The following GNAO1 variants were observed in gnomAD, a reference collection of about 807,000 sequenced individuals.
GNAO1 encodes the protein G protein subunit alpha o1, also known as guanine nucleotide-binding protein G(o) subunit alpha.
For synonymous variants in GNAO1, 164 were observed against 180.7 expected (o/e 0.91, Z 0.74); for missense variants, 166 against 478.7 (o/e 0.35, Z 6.10).
intron 3 of GNAO1, among the ~76,000 whole-genome samples, chr16:56,324,506 C>T (rs137977547): frequency 2.0e-5 from 3 of 152,334 alleles, no homozygotes; most frequent in South Asian, 2.1e-4. Flanking sequence ...CAAGATTGCC[C>T]GAGGTCAGCC....
chr16:56,204,757 G>T (rs1196367618), intron 2 of GNAO1, among the ~76,000 whole-genome samples: 1 of 152,160 alleles, frequency 6.6e-6, no homozygotes, highest in Non-Finnish European at 1.5e-5. Flanking sequence ...AATTTTTATG[G>T]TAGAAATAGG....
At chr16:56,319,011 G>C (rs1192868596) in intron 3 of GNAO1, among the ~76,000 whole-genome samples, 11 of 152,174 alleles carry the variant, frequency 7.2e-5, no homozygotes, top group African/African-American at 2.7e-4. Flanking sequence ...GTCACACAAT[G>C]AAAATCCCTG....
chr16:56,306,720 G>C (rs1484333573), intron 3 of GNAO1: 1 of 152,260 alleles, frequency 6.6e-6, no homozygotes, highest in African/African-American at 2.4e-5. Flanking sequence ...TTTAAAAGGG[G>C]GGACGGGGGG....
chr16:56,306,354 T>G (rs1319715393), intron 3 of GNAO1, among the ~76,000 whole-genome samples: 1 of 152,144 alleles, frequency 6.6e-6, no homozygotes, highest in Non-Finnish European at 1.5e-5. Flanking sequence ...GGCAGGGAAG[T>G]GAGTTGACTG....
At chr16:56,355,129 C>CAT in intron 8 of GNAO1, 48 bp downstream of exon 8, 1 of 415,082 alleles carries the variant, frequency 2.4e-6, no homozygotes. Flanking sequence ...CGCGCATACA[C>CAT]ACACACACAC....
chr16:56,206,062 T>C (rs2036324785), intron 2 of GNAO1, among the ~76,000 whole-genome samples: 1 of 152,086 alleles, frequency 6.6e-6, no homozygotes, highest in Non-Finnish European at 1.5e-5. Context: ...GCCTCACACC[T>C]GTAATCCCAG....
At chr16:56,216,216 T>C (rs1466065009) in intron 2 of GNAO1, among the ~76,000 whole-genome samples, 2 of 152,226 alleles carry the variant, frequency 1.3e-5, no homozygotes, top group Non-Finnish European at 2.9e-5. Context: ...ACATTTAAGA[T>C]GTGTATGTTT....
At chr16:56,340,843 C>T in intron 6 of GNAO1, 1 of 1,613,820 alleles carries the variant, frequency 6.2e-7, no homozygotes. Flanking sequence ...GAACCGCATG[C>T]ACGAATCCCT....
At chr16:56,257,364 C>A (rs1366092045) in intron 2 of GNAO1, among the ~76,000 whole-genome samples, 1 of 152,212 alleles carries the variant, frequency 6.6e-6, no homozygotes, top group African/African-American at 2.4e-5. Flanking sequence ...GGCTGAATGT[C>A]TTTGCATCGG....
chr16:56,350,407 G>A (rs1040223285), intron 6 of GNAO1, among the ~76,000 whole-genome samples: 3 of 152,170 alleles, frequency 2.0e-5, no homozygotes, highest in Admixed American at 6.5e-5. Flanking sequence ...AAATGGATTC[G>A]TTCACAGAGA....
At chr16:56,301,190 G>C (rs1452140312) in intron 3 of GNAO1, 3 of 152,368 alleles carry the variant, frequency 2.0e-5, no homozygotes, top group African/African-American at 7.2e-5. Flanking sequence ...ATGGCAGTCA[G>C]GTAAACAGAG....
intron 3 of GNAO1, among the ~76,000 whole-genome samples, chr16:56,316,583 A>C (rs1194114333): frequency 2.0e-5 from 3 of 151,678 alleles, no homozygotes; most frequent in Non-Finnish European, 4.4e-5. Context: ...GTCTCGCCTC[A>C]CCTCTCTTTA....
At chr16:56,297,522 G>GGGGT (rs2037298734) in intron 3 of GNAO1, among the ~76,000 whole-genome samples, 1 of 134,330 alleles carries the variant, frequency 7.4e-6, no homozygotes, top group East Asian at 2.2e-4. Context: ...TTGTCTAACT[G>GGGGT]GTGTGTGTGT....
At chr16:56,262,992 AG>A (rs1192413663) in intron 2 of GNAO1, among the ~76,000 whole-genome samples, 1 of 152,224 alleles carries the variant, frequency 6.6e-6, no homozygotes, top group Non-Finnish European at 1.5e-5. Flanking sequence ...AAGCCTACAG[AG>A]GACAGCATAA....
chr16:56,216,231 A>G (rs1268485532), intron 2 of GNAO1, among the ~76,000 whole-genome samples: 2 of 152,222 alleles, frequency 1.3e-5, no homozygotes, highest in Non-Finnish European at 2.9e-5. Flanking sequence ...ATGTTTTACT[A>G]TAGGTAAATA....
At position 56,240,578 on chromosome 16, in the gene GNAO1, T is replaced by C. The variant is rs148637230; in HGVS notation, c.162-35353T>C. On this transcript the variant is annotated intron_variant, in intron 2 of 8. Coordinates refer to ENST00000262493, the MANE Select transcript of GNAO1 (RefSeq NM_020988.3). ...CATTTCTTCTCTTGTCTTGAACTTTTATCTGAGCCTCATATCAGAATCGAA... is the reference window on the plus strand; with the variant it reads ...CATTTCTTCTCTTGTCTTGAACTTTCATCTGAGCCTCATATCAGAATCGAA... Among the ~76,000 whole-genome samples the C allele has an allele frequency of 1.8e-3, 275 of 152,322 alleles. 1 individual carries two copies. The highest frequency in any genetic ancestry group is 6.2e-3 in the African/African-American group (257 of 41,566).
intron 6 of GNAO1, among the ~76,000 whole-genome samples, chr16:56,342,079 C>T (rs2037810835): frequency 6.6e-6 from 1 of 152,220 alleles, no homozygotes. Flanking sequence ...TAGGGCTCAG[C>T]CTCCCTGGAA....
chr16:56,343,077 G>A (rs1242630058), intron 6 of GNAO1, among the ~76,000 whole-genome samples: 2 of 148,678 alleles, frequency 1.3e-5, no homozygotes, highest in African/African-American at 5.0e-5. Flanking sequence ...CAGCCTGGGC[G>A]ACAGAACAAG....
In GNAO1 at chr16:56,351,794, G is replaced by A; in HGVS notation, c.877+257G>A. On this transcript the variant is annotated intron_variant, in intron 7 of 8. Transcript: ENST00000262493. The surrounding 1 kb of genome is among the most constrained non-coding windows in gnomAD (Gnocchi z 6.1). ...CCAAGTGACTCAGGAGTGGTGGGGA[G>A]CAGGGGGCAGGACAGGATCACAGGC... 2.2e-6 allele frequency: 1 copy of A among 447,746 alleles called. No individual in the cohort carries two copies. The allele number at this position is 447,746 out of a possible 1,614,324, so 27.7% of individuals were successfully genotyped here. A position where few individuals can be genotyped will look rare whatever the true frequency, so the allele number is the denominator to read the frequency against.
Sources: gnomAD v4.1 joint callset for allele counts (sites outside exome capture counted in the v4.1 genomes callset) on GRCh38, gnomAD v4.1.1 for gene constraint, Gnocchi (gnomAD v3.1) non-coding constraint, MANE v1.5 for transcripts, NCBI Gene and HGNC (gene_info 2026-07-23, HGNC 2026-07-21) for gene names.